FLVCR2: variants seen among roughly 807,000 people sequenced by gnomAD.
The protein encoded by FLVCR2 is choline/ethanolamine transporter FLVCR2.
In FLVCR2, 38 loss-of-function variants were observed where a neutral mutation model predicts 48.9. The observed-to-expected ratio is 0.78, with a 90% CI of 0.60 to 1.02. The LOEUF (loss-of-function observed/expected upper bound fraction) is 1.02, where lower values mean the gene tolerates loss of function less well. Among genes scored for constraint, FLVCR2 ranks in the 50% least tolerant of loss-of-function variants. The pLI, the probability that FLVCR2 is intolerant of heterozygous loss-of-function variation, is 0.00. For missense variants in FLVCR2, 664 were observed against 663.3 expected (o/e 1.00, Z -0.01); for synonymous variants, 255 against 257.0 (o/e 0.99, Z 0.07).
At chr14:75,605,928 C>A (rs1486888160) in intron 1 of FLVCR2, 1 of 414,108 alleles carries the variant, frequency 2.4e-6, no homozygotes, top group Non-Finnish European at 4.5e-6. Context: ...TCTCCTTTGG[C>A]GGCTCTAGAG....
intron 7 of FLVCR2, 23 bp downstream of exon 7, chr14:75,641,083 G>GT: frequency 6.3e-7 from 1 of 1,598,150 alleles, no homozygotes; most frequent in Non-Finnish European, 8.6e-7. Flanking sequence ...TTTCCTGTTT[G>GT]TTTCCTGGCT....
chr14:75,617,735 A>AGATCAGTGT (rs1889652810), intron 1 of FLVCR2, among the ~76,000 whole-genome samples: 4 of 152,244 alleles, frequency 2.6e-5, no homozygotes, highest in Admixed American at 2.6e-4. Flanking sequence ...CAGCCTGCAG[A>AGATCAGTGT]GATCAGTGTG....
chr14:75,621,347 G>T (rs1403987340), intron 1 of FLVCR2, among the ~76,000 whole-genome samples: 2 of 151,564 alleles, frequency 1.3e-5, no homozygotes, highest in Non-Finnish European at 2.9e-5. Context: ...GGCGGAGGCT[G>T]CAGTGAGCCG....
intron 1 of FLVCR2, chr14:75,596,244 C>T (rs1407914802): frequency 3.3e-6 from 2 of 610,282 alleles, no homozygotes; most frequent in Admixed American, 4.8e-5. Flanking sequence ...GGAGGAAAAG[C>T]ATGACTGTCT....
At chr14:75,635,807 T>G (rs1447707617) in intron 5 of FLVCR2, among the ~76,000 whole-genome samples, 1 of 152,046 alleles carries the variant, frequency 6.6e-6, no homozygotes, top group Non-Finnish European at 1.5e-5. Flanking sequence ...GAGGTTGCTG[T>G]GAACTGGGTT....
chr14:75,645,041 T>G (rs1461380009), intron 9 of FLVCR2, among the ~76,000 whole-genome samples: 29 of 29,286 alleles, frequency 9.9e-4, no homozygotes, highest in South Asian at 6.1e-3. Flanking sequence ...GTGGTGTGTG[T>G]GTGTGTGTGT....
At chr14:75,584,478 C>A (rs189014733) in intron 1 of FLVCR2, among the ~76,000 whole-genome samples, 6 of 152,336 alleles carry the variant, frequency 3.9e-5, no homozygotes, top group Admixed American at 1.3e-4. Flanking sequence ...TGCTGCCAAG[C>A]GGGCCATGAA....
chr14:75,589,226 C>T (rs1011182203), intron 1 of FLVCR2, among the ~76,000 whole-genome samples: 2 of 152,024 alleles, frequency 1.3e-5, no homozygotes, highest in African/African-American at 4.8e-5. Context: ...TCAAAAACAT[C>T]CCCCCAAAAC....
Position 75,582,546 on chromosome 14 carries a change from G to A in FLVCR2, c.669+2905G>A, listed in dbSNP as rs187424741. The stretch of plus-strand genomic sequence containing the variant: ...ATTAGGGCAGTGGCGGCTGCCACAC[G>A]GAGACATGATGGCCAGCCTAAAACA... On this transcript the variant is annotated intron_variant, in intron 1 of 9. Transcript: ENST00000238667. Among the ~76,000 whole-genome samples, 1,327 of 152,314 alleles carry A rather than the reference G, an allele frequency of 8.7e-3. 15 individuals are homozygous for A. The highest frequency in any genetic ancestry group is 0.03 in the African/African-American group (1,242 of 41,550).
At chr14:75,584,393 G>A (rs1888687363) in intron 1 of FLVCR2, among the ~76,000 whole-genome samples, 1 of 146,568 alleles carries the variant, frequency 6.8e-6, no homozygotes, top group African/African-American at 2.6e-5. Context: ...GGAGCTGACT[G>A]GGTGATAAAA....
rs772224570 is a variant in FLVCR2, at chr14:75,579,176, T to A, written c.204T>A (p.Ser68Arg). ...LAQPSGLAHP[S>R]SSGPEDLSVI... The stretch of plus-strand genomic sequence containing the variant: ...AACCCAGTGGCTTGGCTCACCCCAG[T>A]AGCTCGGGCCCTGAGGACCTCAGCG... The change falls in exon 1 of 10, where the codon AGT becomes AGA. Residue 68 changes from serine to arginine, a missense_variant. By Grantham distance (110) the Ser-to-Arg change is moderately radical. Transcript: ENST00000238667. 6.2e-7 allele frequency: 1 copy of A among 1,614,028 alleles called. No individual in the cohort carries two copies. Among genetic ancestry groups the A allele is most frequent in the Non-Finnish European group, 8.5e-7 (1 of 1,180,000 alleles).
intron 1 of FLVCR2, among the ~76,000 whole-genome samples, chr14:75,607,260 T>G (rs1192350609): frequency 1.3e-5 from 2 of 152,352 alleles, no homozygotes; most frequent in South Asian, 4.1e-4. Flanking sequence ...GTAAGCCCTC[T>G]GTAAACATTT....
At chr14:75,614,229 A>G (rs572660099) in intron 1 of FLVCR2, among the ~76,000 whole-genome samples, 1 of 152,338 alleles carries the variant, frequency 6.6e-6, no homozygotes, top group Non-Finnish European at 1.5e-5. Flanking sequence ...TAAAGTATCA[A>G]ACTTTCTCTG....
At chr14:75,601,594 A>G (rs957160777) in intron 1 of FLVCR2, among the ~76,000 whole-genome samples, 1 of 152,232 alleles carries the variant, frequency 6.6e-6, no homozygotes, top group African/African-American at 2.4e-5. Flanking sequence ...GGAATGTAAA[A>G]TGGTGCAGCT....
At chr14:75,619,666 A>G (rs1566791594) in intron 1 of FLVCR2, among the ~76,000 whole-genome samples, 1 of 152,232 alleles carries the variant, frequency 6.6e-6, no homozygotes, top group Non-Finnish European at 1.5e-5. Flanking sequence ...GGTTTTCCAC[A>G]CTGGGCATAA....
chr14:75,639,689 C>T (rs964858705), intron 6 of FLVCR2, among the ~76,000 whole-genome samples: 2 of 152,154 alleles, frequency 1.3e-5, no homozygotes, highest in Non-Finnish European at 2.9e-5. Context: ...CCTTCGCGAC[C>T]TCTTGGAGGC....
rs187338602 is a variant in FLVCR2, at chr14:75,614,562, G to A, written c.670-7517G>A. Among the ~76,000 whole-genome samples the A allele has an allele frequency of 3.9e-5, 6 of 152,322 alleles. No individual in the cohort carries two copies. The East Asian group carries it at 1.2e-3, about 29-fold the overall frequency. On this transcript the variant is annotated intron_variant, in intron 1 of 9. Transcript: ENST00000238667. ...GATAAAGGTATAGACGAGATGATGG[G>A]AAGGTTGGAATCATGACTTGTTCAA...
chr14:75,610,385 A>G (rs542495914), intron 1 of FLVCR2, among the ~76,000 whole-genome samples: 1 of 152,304 alleles, frequency 6.6e-6, no homozygotes, highest in African/African-American at 2.4e-5. Context: ...TGAGTTCATG[A>G]TGACAGAAAG....
intron 3 of FLVCR2, among the ~76,000 whole-genome samples, chr14:75,625,147 T>A (rs2140040490): frequency 6.6e-6 from 1 of 152,356 alleles, no homozygotes; most frequent in East Asian, 1.9e-4. Context: ...TTTATGTTTT[T>A]CATCTTTATA....
Sources: gnomAD v4.1 joint callset for allele counts (sites outside exome capture counted in the v4.1 genomes callset) on GRCh38, gnomAD v4.1.1 for gene constraint, MANE v1.5 for transcripts, NCBI Gene and HGNC (gene_info 2026-07-23, HGNC 2026-07-21) for gene names.